Variants in SLC1A2 observed in about 807,000 individuals in gnomAD.
The protein encoded by SLC1A2 is solute carrier family 1 member 2.
A neutral mutation model predicts 48.8 loss-of-function variants in SLC1A2; 15 were observed. The ratio of observed to expected loss-of-function variants is 0.31; its 90% CI spans 0.21 to 0.47. The LOEUF (loss-of-function observed/expected upper bound fraction) is 0.47, where lower values mean the gene tolerates loss of function less well. Ranked by LOEUF, SLC1A2 falls within the 20% of genes least tolerant of loss-of-function variation. The probability of loss-of-function intolerance (pLI) is 0.99; values close to 1 mark genes in which losing one functional copy is unlikely to be tolerated. For missense variants in SLC1A2, 502 were observed against 730.5 expected (o/e 0.69, Z 3.61); for synonymous variants, 279 against 272.6 (o/e 1.02, Z -0.23).
chr11:35,384,162 A>G (rs1388985213), intron 1 of SLC1A2, among the ~76,000 whole-genome samples: 2 of 152,232 alleles, frequency 1.3e-5, no homozygotes, highest in Non-Finnish European at 1.5e-5. Context: ...TATCTCATGG[A>G]ATCCAAGAAC....
intron 1 of SLC1A2, among the ~76,000 whole-genome samples, chr11:35,386,312 G>A (rs1854581705): frequency 6.6e-6 from 1 of 151,560 alleles, no homozygotes; most frequent in African/African-American, 2.4e-5. Flanking sequence ...GGCCTATCTT[G>A]TCTTCTCTCA....
At chr11:35,281,127 T>TCC in intron 8 of SLC1A2, 126 bp from the exon 9 acceptor site, 1 of 1,273,708 alleles carries the variant, frequency 7.9e-7, no homozygotes, top group Admixed American at 3.2e-5. Context: ...CCCCATACTC[T>TCC]CCACCAAGGA....
At chr11:35,304,285 C>A (rs1438857034) in intron 5 of SLC1A2, among the ~76,000 whole-genome samples, 3 of 152,028 alleles carry the variant, frequency 2.0e-5, no homozygotes, top group Admixed American at 6.6e-5. Context: ...AAAGCCCTGG[C>A]CCCATTGTTC....
intron 1 of SLC1A2, among the ~76,000 whole-genome samples, chr11:35,379,636 C>T (rs1385800736): frequency 6.6e-6 from 1 of 152,230 alleles, no homozygotes; most frequent in African/African-American, 2.4e-5. Flanking sequence ...CAGTGAAAAG[C>T]ATATGTCCGG....
chr11:35,351,924 G>A (rs889306578), intron 1 of SLC1A2, among the ~76,000 whole-genome samples: 4 of 152,184 alleles, frequency 2.6e-5, no homozygotes, highest in African/African-American at 4.8e-5. Flanking sequence ...GTGAGTCACC[G>A]CATCTGGCCC....
intron 6 of SLC1A2, among the ~76,000 whole-genome samples, chr11:35,297,276 G>C (rs914881506): frequency 2.0e-5 from 3 of 152,156 alleles, no homozygotes; most frequent in African/African-American, 7.2e-5. Flanking sequence ...GTGGCCTTCA[G>C]CTAGAATCCT....
chr11:35,278,078 A>G (rs1008990644), intron 9 of SLC1A2, among the ~76,000 whole-genome samples: 2 of 152,156 alleles, frequency 1.3e-5, no homozygotes, highest in Non-Finnish European at 2.9e-5. Context: ...TAGGGACGCC[A>G]CTACCACCAC....
At chr11:35,281,127 TCCA>T in intron 8 of SLC1A2, 126 bp from the exon 9 acceptor site, 1 of 1,273,708 alleles carries the variant, frequency 7.9e-7, no homozygotes, top group Non-Finnish European at 1.0e-6. Context: ...CCCCATACTC[TCCA>T]CCAAGGAATA....
intron 1 of SLC1A2, among the ~76,000 whole-genome samples, chr11:35,408,307 G>A (rs1855359456): frequency 6.6e-6 from 1 of 152,152 alleles, no homozygotes; most frequent in Non-Finnish European, 1.5e-5. Flanking sequence ...ATATGGTTTG[G>A]CTGTGTCCCC....
intron 4 of SLC1A2, among the ~76,000 whole-genome samples, chr11:35,308,529 T>C (rs760745921): frequency 6.6e-6 from 1 of 152,138 alleles, no homozygotes; most frequent in Non-Finnish European, 1.5e-5. Flanking sequence ...AAGTACACAA[T>C]GAAGATATCA....
chr11:35,312,111 C>A, intron 4 of SLC1A2, 87 bp downstream of exon 4: 1 of 1,344,046 alleles, frequency 7.4e-7, no homozygotes, highest in Non-Finnish European at 1.0e-6. Context: ...AATTTCTACC[C>A]AGAGTTGGTC....
At chr11:35,264,709 T>G (rs915669862) in intron 10 of SLC1A2, 20 of 152,232 alleles carry the variant, frequency 1.3e-4, no homozygotes, top group African/African-American at 4.8e-4. Context: ...GAAGGATAGC[T>G]GTTCTTTACT....
chr11:35,357,948 C>A (rs940433579), intron 1 of SLC1A2, among the ~76,000 whole-genome samples: 1 of 152,068 alleles, frequency 6.6e-6, no homozygotes, highest in African/African-American at 2.4e-5. Context: ...AGATTGAGAC[C>A]ATCCTGGCCA....
At chr11:35,352,188 T>C (rs1407740036) in intron 1 of SLC1A2, 1 of 152,200 alleles carries the variant, frequency 6.6e-6, no homozygotes, top group African/African-American at 2.4e-5. Context: ...AACTACTTAA[T>C]CTATAAGAAA....
intron 1 of SLC1A2, among the ~76,000 whole-genome samples, chr11:35,415,593 C>A (rs970092624): frequency 8.5e-5 from 13 of 152,350 alleles, no homozygotes; most frequent in African/African-American, 2.9e-4. Flanking sequence ...CAAATTCATT[C>A]CCAAGGGGAG....
At chr11:35,338,601 A>T (rs1437812772) in intron 1 of SLC1A2, among the ~76,000 whole-genome samples, 3 of 152,146 alleles carry the variant, frequency 2.0e-5, no homozygotes, top group Admixed American at 6.5e-5. Context: ...ATGTGTCCAG[A>T]GCTGCCGGGA....
chr11:35,367,454 A>G (rs1188278187), intron 1 of SLC1A2, among the ~76,000 whole-genome samples: 1 of 152,208 alleles, frequency 6.6e-6, no homozygotes, highest in African/African-American at 2.4e-5. Flanking sequence ...CCCAGCACTC[A>G]GCTTCTATGG....
rs777705277 is a variant in SLC1A2, at chr11:35,314,998, C to T, written c.310+25G>A. 32 of 1,588,188 alleles carry T rather than the reference C, an allele frequency of 2.0e-5. No individual in the cohort carries two copies. In the South Asian group the frequency reaches 2.9e-4, roughly 14 times the overall value. The stretch of plus-strand genomic sequence containing the variant: ...AGGGCAGGAGTATGACCCATGTTAG[C>T]CAGGCACTAGTGAGGTAGTCTTACC... On this transcript the variant is annotated intron_variant, in intron 3 of 10. Transcript: ENST00000278379.
At chr11:35,275,225 G>A (rs7105690) in intron 9 of SLC1A2, among the ~76,000 whole-genome samples, 57,463 of 152,074 alleles carry the variant, frequency 0.38, 11,079 homozygotes, top group South Asian at 0.53. Context: ...TCTAAGTGCC[G>A]TCTCAACTAT....
Sources: gnomAD v4.1 joint callset for allele counts (sites outside exome capture counted in the v4.1 genomes callset) on GRCh38, gnomAD v4.1.1 for gene constraint, MANE v1.5 for transcripts, NCBI Gene and HGNC (gene_info 2026-07-23, HGNC 2026-07-21) for gene names.